ZNF385D: variants seen among roughly 807,000 people sequenced by gnomAD.
The protein encoded by ZNF385D is zinc finger protein 385D.
Under a neutral mutation model 35.8 loss-of-function variants are expected in ZNF385D, and 15 were observed. The observed-to-expected ratio is 0.42, with a 90% CI of 0.28 to 0.64. ZNF385D has a LOEUF of 0.64. Ranked by LOEUF, ZNF385D falls within the 30% of genes least tolerant of loss-of-function variation. The probability of loss-of-function intolerance (pLI) is 0.23; values close to 1 mark genes in which losing one functional copy is unlikely to be tolerated. For missense variants in ZNF385D, 474 were observed against 494.6 expected (o/e 0.96, Z 0.39); for synonymous variants, 212 against 186.8 (o/e 1.13, Z -1.10).
At chr3:22,140,701 T>C (rs1704452070) in intron 3 of ZNF385D, among the ~76,000 whole-genome samples, 1 of 152,208 alleles carries the variant, frequency 6.6e-6, no homozygotes, top group South Asian at 2.1e-4. Flanking sequence ...TTGAAACATC[T>C]GAAATTATTT....
chr3:21,717,676 G>A (rs1045670801), intron 1 of ZNF385D, among the ~76,000 whole-genome samples: 2 of 152,170 alleles, frequency 1.3e-5, no homozygotes, highest in Non-Finnish European at 1.5e-5. Flanking sequence ...TGCTGTTCTT[G>A]TGGTAGTGAA....
chr3:21,876,185 A>C (rs1697954717), intron 3 of ZNF385D, among the ~76,000 whole-genome samples: 1 of 151,818 alleles, frequency 6.6e-6, no homozygotes, highest in East Asian at 1.9e-4. Flanking sequence ...AACAAACAAA[A>C]AACCTGAGGG....
chr3:21,488,330 T>TACACACAG (rs1483520523), intron 4 of ZNF385D, among the ~76,000 whole-genome samples: 2 of 104,844 alleles, frequency 1.9e-5, no homozygotes, highest in African/African-American at 4.0e-5. Flanking sequence ...TCTAATAAGC[T>TACACACAG]ACACACAGAC....
In ZNF385D at chr3:22,244,321, TCTTA is replaced by T. The variant is rs1404466835; in HGVS notation, c.107-75290_107-75287del. Among the ~76,000 whole-genome samples, 7 of 133,824 alleles carry T rather than the reference TCTTA, an allele frequency of 5.2e-5. No individual in the cohort carries two copies. The East Asian group carries it at 1.2e-3, about 22-fold the overall frequency. The allele number at this position is 133,824 out of a possible 152,430, so 87.8% of individuals were successfully genotyped here. A position where few individuals can be genotyped will look rare whatever the true frequency, so the allele number is the denominator to read the frequency against. ...AGAGTTTTAAGATAAACTCTCTCGC[TCTTA>T]CTTAGCTTTGAAGCAAAGTGATACC... On this transcript the variant is annotated intron_variant, in intron 2 of 5. Transcript: ENST00000494108.
intron 1 of ZNF385D, among the ~76,000 whole-genome samples, chr3:21,701,636 T>A (rs373972349): frequency 3.0e-4 from 46 of 152,228 alleles, no homozygotes; most frequent in African/African-American, 1.1e-3. Flanking sequence ...CAAAGTCTCA[T>A]CTGAGACAAA....
intron 1 of ZNF385D, among the ~76,000 whole-genome samples, chr3:21,694,541 A>T (rs1176786950): frequency 6.6e-6 from 1 of 152,182 alleles, no homozygotes; most frequent in Non-Finnish European, 1.5e-5. Flanking sequence ...CTCAGGGAAG[A>T]TTCTTGGATC....
chr3:21,533,396 T>TAA (rs1469134764), intron 3 of ZNF385D, among the ~76,000 whole-genome samples: 1 of 152,158 alleles, frequency 6.6e-6, no homozygotes, highest in Non-Finnish European at 1.5e-5. Context: ...TATTTGAAAA[T>TAA]AAAGGCCAAT....
intron 3 of ZNF385D, among the ~76,000 whole-genome samples, chr3:21,893,795 C>G (rs892868702): frequency 6.6e-6 from 1 of 152,152 alleles, no homozygotes; most frequent in African/African-American, 2.4e-5. Flanking sequence ...TTATCAAAGC[C>G]ATGGTTGTAA....
chr3:22,049,027 T>C (rs1246724918), intron 3 of ZNF385D, among the ~76,000 whole-genome samples: 2 of 152,160 alleles, frequency 1.3e-5, no homozygotes, highest in African/African-American at 2.4e-5. Flanking sequence ...CCGGGCGTAG[T>C]GGCTCAGGCC....
At chr3:21,523,980 C>G (rs1008056380) in intron 3 of ZNF385D, among the ~76,000 whole-genome samples, 2 of 152,016 alleles carry the variant, frequency 1.3e-5, no homozygotes, top group African/African-American at 4.8e-5. Flanking sequence ...AATCATTTGG[C>G]TAATATGTAA....
intron 2 of ZNF385D, among the ~76,000 whole-genome samples, chr3:22,180,520 G>A (rs1024789833): frequency 1.1e-4 from 16 of 152,214 alleles, no homozygotes; most frequent in Admixed American, 3.3e-4. Context: ...GATGAACATC[G>A]ATGCAAAAAT....
chr3:22,107,257 A>G (rs1452072530), intron 3 of ZNF385D, among the ~76,000 whole-genome samples: 2 of 151,914 alleles, frequency 1.3e-5, no homozygotes, highest in Non-Finnish European at 1.5e-5. Flanking sequence ...TCCCGACCTC[A>G]GGTGATTTGC....
At chr3:21,520,922 T>G (rs1211018843) in intron 3 of ZNF385D, among the ~76,000 whole-genome samples, 2 of 152,222 alleles carry the variant, frequency 1.3e-5, no homozygotes, top group East Asian at 3.8e-4. Context: ...GAGTATGGCA[T>G]CATTAACACA....
intron 3 of ZNF385D, among the ~76,000 whole-genome samples, chr3:21,558,109 TG>T (rs1185051220): frequency 1.5e-5 from 2 of 135,544 alleles, no homozygotes; most frequent in Admixed American, 7.8e-5. Context: ...CTGGATTCAT[TG>T]ATTTTTTTTT....
intron 3 of ZNF385D, among the ~76,000 whole-genome samples, chr3:22,020,122 C>T (rs963045242): frequency 1.1e-4 from 17 of 151,776 alleles, no homozygotes; most frequent in East Asian, 3.9e-4. Flanking sequence ...AGTATATGGA[C>T]GCTCAGAAAA....
At chr3:21,475,330 C>T (rs1575004741) in intron 4 of ZNF385D, among the ~76,000 whole-genome samples, 1 of 152,100 alleles carries the variant, frequency 6.6e-6, no homozygotes, top group East Asian at 1.9e-4. Context: ...GTATCTGTTT[C>T]AAATCTGGAG....
intron 3 of ZNF385D, among the ~76,000 whole-genome samples, chr3:22,044,418 G>T (rs1422382961): frequency 6.6e-6 from 1 of 151,910 alleles, no homozygotes; most frequent in African/African-American, 2.4e-5. Context: ...TGTGTTTGGG[G>T]GATAGAGTTC....
intron 3 of ZNF385D, among the ~76,000 whole-genome samples, chr3:21,936,618 A>C (rs182518581): frequency 6.6e-6 from 1 of 152,168 alleles, no homozygotes; most frequent in Non-Finnish European, 1.5e-5. Flanking sequence ...CCTCTACTAG[A>C]ATGAAACTTT....
intron 3 of ZNF385D, among the ~76,000 whole-genome samples, chr3:22,046,560 T>C (rs1367663451): frequency 6.6e-6 from 1 of 152,202 alleles, no homozygotes; most frequent in Non-Finnish European, 1.5e-5. Context: ...TTTCTTGTCT[T>C]CTTCCACTAA....
Sources: gnomAD v4.1 joint callset for allele counts (sites outside exome capture counted in the v4.1 genomes callset) on GRCh38, gnomAD v4.1.1 for gene constraint, MANE v1.5 for transcripts, NCBI Gene and HGNC (gene_info 2026-07-23, HGNC 2026-07-21) for gene names.